G3BP1: variants seen among roughly 807,000 people sequenced by gnomAD.
G3BP1 encodes ras GTPase-activating protein-binding protein 1.
In G3BP1, 35 loss-of-function variants were observed where a neutral mutation model predicts 58.6. The ratio of observed to expected loss-of-function variants is 0.60; its 90% CI spans 0.46 to 0.79. G3BP1 has a LOEUF of 0.79. Ranked by LOEUF, G3BP1 falls within the 30% of genes least tolerant of loss-of-function variation. The pLI, the probability that G3BP1 is intolerant of heterozygous loss-of-function variation, is 0.00. For missense variants in G3BP1, 523 were observed against 580.8 expected (o/e 0.90, Z 1.02); for synonymous variants, 191 against 195.4 (o/e 0.98, Z 0.19).
intron 8 of G3BP1, 134 bp from the exon 9 acceptor site, chr5:151,799,755 G>A: frequency 1.6e-6 from 1 of 631,812 alleles, no homozygotes; most frequent in Non-Finnish European, 2.8e-6. Flanking sequence ...AAGGGTATAA[G>A]ATGGTTTTTA....
chr5:151,803,672 T>C (rs1762894665), intron 11 of G3BP1, among the ~76,000 whole-genome samples: 1 of 152,124 alleles, frequency 6.6e-6, no homozygotes, highest in African/African-American at 2.4e-5. Flanking sequence ...TTTTGTGTTT[T>C]TTTAGTAGAG....
In G3BP1 at chr5:151,786,711, C is replaced by G; in HGVS notation, c.91C>G (p.His31Asp). ...GCTGAACCAGGCCCCAGACATGCTG[C>G]ATAGGTAAGACATTTTTCTCCTGCA... ...TLLNQAPDML[H>D]RFYGKNSSYV... is the part of the protein sequence containing the mutation. Residue 31 changes from histidine to aspartate, a missense_variant, in exon 2 of 12, where the codon CAT (histidine) becomes GAT (aspartate). By Grantham distance (81) the His-to-Asp change is moderately conservative. Around this residue, in one of 2 missense-constraint regions of G3BP1, gnomAD observed 398 missense variants for 399.1 expected, o/e 1.00. Transcript: ENST00000356245. 6.3e-7 allele frequency: 1 copy of G among 1,589,606 alleles called. No homozygotes were observed. Among genetic ancestry groups the G allele is most frequent in the Non-Finnish European group, 8.6e-7 (1 of 1,157,576 alleles).
At chr5:151,791,129 C>G (rs1391131699) in intron 4 of G3BP1, 67 bp downstream of exon 4, 18 of 1,312,150 alleles carry the variant, frequency 1.4e-5, no homozygotes, top group Non-Finnish European at 2.0e-5. Context: ...AACTGTTGTG[C>G]ATATCTTTAA....
intron 6 of G3BP1, among the ~76,000 whole-genome samples, chr5:151,796,020 C>T (rs1466622326): frequency 6.6e-6 from 1 of 152,010 alleles, no homozygotes; most frequent in Non-Finnish European, 1.5e-5. Context: ...CATCATTATA[C>T]CTTTGGGTTT....
chr5:151,780,157 C>T (rs1762441816), intron 1 of G3BP1, among the ~76,000 whole-genome samples: 1 of 152,108 alleles, frequency 6.6e-6, no homozygotes, highest in Non-Finnish European at 1.5e-5. Context: ...TAAGGTATCT[C>T]CTGTGAGAAG....
rs2113226756 is a variant in G3BP1 at position 151,785,723 on chromosome 5, CATCTT to C, written c.-49-848_-49-844del. 2.6e-5 allele frequency among the ~76,000 whole-genome samples: 4 copies of C among 152,300 alleles called. 1 individual carries two copies. In the South Asian group the frequency reaches 8.3e-4, roughly 32 times the overall value. On this transcript the variant is annotated intron_variant, in intron 1 of 11. Coordinates refer to ENST00000356245, the MANE Select transcript of G3BP1 (RefSeq NM_005754.3). ...CAGTAGGAATTATTTTGAGTATAAA[CATCTT>C]GTTTGTTAACTTCCCCATTTTATTT...
At chr5:151,783,766 A>C (rs916868653) in intron 1 of G3BP1, among the ~76,000 whole-genome samples, 1 of 151,448 alleles carries the variant, frequency 6.6e-6, no homozygotes, top group Non-Finnish European at 1.5e-5. Context: ...TTACCTAAAC[A>C]TTCTTTTTTT....
At chr5:151,803,863 C>G in intron 11 of G3BP1, 22 bp from the exon 12 acceptor site, 1 of 1,543,094 alleles carries the variant, frequency 6.5e-7, no homozygotes, top group Non-Finnish European at 9.0e-7. Flanking sequence ...ACTCTTAAGT[C>G]TGGTCACCTT....
intron 3 of G3BP1, 49 bp downstream of exon 3, chr5:151,790,453 T>C: frequency 1.0e-6 from 1 of 990,526 alleles, no homozygotes; most frequent in Non-Finnish European, 1.5e-6. Context: ...AGAAAATAAC[T>C]CATAAAATTG....
Position 151,804,066 on chromosome 5 carries a change from G to A in G3BP1, c.1376G>A (p.Gly459Glu), listed in dbSNP as rs1762903654. ...GTGCAGAAACCAGGATTTGGAGTGG[G>A]AAGGGGGCTTGCGCCACGGCAGTGA... is the stretch of plus-strand genomic sequence containing the variant. ...GMVQKPGFGV[G>E]RGLAPRQ Residue 459 changes from glycine to glutamate, a missense_variant, in exon 12 of 12, where the codon GGA (glycine) becomes GAA (glutamate). Physicochemically the swap from Gly to Glu is moderately conservative, Grantham distance 98. This residue lies in a region of G3BP1 where 125 missense variants were observed against 181.7 expected (regional missense o/e 0.69). Transcript: ENST00000356245. 6.2e-7 allele frequency: 1 copy of A among 1,610,088 alleles called. No individual in the cohort carries two copies. The highest frequency in any genetic ancestry group is 8.5e-7 in the Non-Finnish European group (1 of 1,177,508).
rs557296742 is a variant in G3BP1 at position 151,789,782 on chromosome 5, A to G, written c.96-541A>G. ...ATCCTTCCCAACAGTATCATCCTAC[A>G]CTGAAACCTGGAACCAAATCCATTC... On this transcript the variant is annotated intron_variant, in intron 2 of 11. Transcript: ENST00000356245. Among the ~76,000 whole-genome samples the G allele has an allele frequency of 5.9e-5, 9 of 152,272 alleles. No homozygotes were observed. The East Asian group carries it at 1.7e-3, about 29-fold the overall frequency.
chr5:151,798,919 C>G (rs1371314975), intron 7 of G3BP1, among the ~76,000 whole-genome samples: 2 of 152,064 alleles, frequency 1.3e-5, no homozygotes, highest in Non-Finnish European at 2.9e-5. Context: ...TGTGTGCATG[C>G]CACTGCATTC....
intron 1 of G3BP1, among the ~76,000 whole-genome samples, chr5:151,774,966 T>A (rs569109039): frequency 6.6e-6 from 1 of 152,340 alleles, no homozygotes; most frequent in East Asian, 1.9e-4. Flanking sequence ...ATCCTGTCTG[T>A]CTTTAGTTGG....
chr5:151,795,010 G>A (rs1762725648), intron 5 of G3BP1, among the ~76,000 whole-genome samples: 1 of 152,230 alleles, frequency 6.6e-6, no homozygotes, highest in Admixed American at 6.5e-5. Context: ...GGGCGCGGTG[G>A]CTCACGCCTG....
chr5:151,805,437 C>T lies in G3BP1; in HGVS notation c.*1346C>T, dbSNP rs1762926189. The T allele has an allele frequency of 6.6e-6, 1 of 152,414 alleles. No homozygotes were observed. Among genetic ancestry groups the T allele is most frequent in the Admixed American group, 6.5e-5 (1 of 15,280 alleles). 9.4% of individuals were successfully genotyped at this position (152,414 alleles called of 1,614,324 possible). On this transcript the variant is annotated 3_prime_UTR_variant, in exon 12 of 12. Transcript: ENST00000356245. ...GTGAGATGGGTGAAGGTTTTGTTTA[C>T]ACGTGTGAAACAAACTTTTGTGTGA...
At chr5:151,795,176 T>G (rs1762728700) in intron 5 of G3BP1, among the ~76,000 whole-genome samples, 1 of 152,136 alleles carries the variant, frequency 6.6e-6, no homozygotes, top group Non-Finnish European at 1.5e-5. Context: ...TTCGGGAGAC[T>G]GAGGCAGGAG....
chr5:151,794,782 T>C (rs56731528), intron 5 of G3BP1, among the ~76,000 whole-genome samples: 102 of 152,350 alleles, frequency 6.7e-4, no homozygotes, highest in African/African-American at 2.4e-3. Flanking sequence ...ATAGTAGAAT[T>C]GAGTGTTGTT....
intron 11 of G3BP1, 141 bp downstream of exon 11, chr5:151,801,010 C>G: frequency 1.8e-6 from 1 of 549,028 alleles, no homozygotes. Context: ...TTATTTTCAA[C>G]CATTATTAAA....
chr5:151,794,210 G>T lies in G3BP1; in HGVS notation c.403G>T (p.Asp135Tyr). The part of the protein sequence containing the change: ...YVHNDIFRYQ[D>Y]EVFGGFVTEP... Reference sequence around the variant, plus strand: ...TCACAATGATATCTTCAGATACCAAGATGAGGTCTTTGGTGGGTTTGTCAC... The same window carrying T: ...TCACAATGATATCTTCAGATACCAATATGAGGTCTTTGGTGGGTTTGTCAC... The change falls in exon 5 of 12, where the codon GAT becomes TAT. Residue 135 changes from aspartate (D) to tyrosine (Y), a missense_variant. By Grantham distance (160) the Asp-to-Tyr change is radical (BLOSUM62 -3). Coordinates refer to ENST00000356245, the MANE Select transcript of G3BP1 (RefSeq NM_005754.3). The T allele has an allele frequency of 6.2e-7, 1 of 1,610,802 alleles. No individual in the cohort carries two copies. Among genetic ancestry groups the T allele is most frequent in the Non-Finnish European group, 8.5e-7 (1 of 1,177,072 alleles).
Sources: allele counts gnomAD v4.1 joint callset (sites outside exome capture counted in the v4.1 genomes callset), GRCh38; gene constraint gnomAD v4.1.1; regional missense constraint gnomAD v4.1.1; transcripts MANE v1.5; gene names NCBI Gene and HGNC (gene_info 2026-07-23, HGNC 2026-07-21).